NAALADL2: variants seen among roughly 807,000 people sequenced by gnomAD.
The protein encoded by NAALADL2 is N-acetylated alpha-linked acidic dipeptidase like 2, also known as inactive N-acetylated-alpha-linked acidic dipeptidase-like protein 2.
Under a neutral mutation model 87.2 loss-of-function variants are expected in NAALADL2, and 76 were observed. The ratio of observed to expected loss-of-function variants is 0.87; its 90% confidence interval spans 0.72 to 1.05. The LOEUF (loss-of-function observed/expected upper bound fraction) is 1.05. Among genes scored for constraint, NAALADL2 ranks in the 50% least tolerant of loss-of-function variants. The pLI is 0.00. For missense variants in NAALADL2, 1,089 were observed against 945.8 expected (o/e 1.15, Z -1.99); for synonymous variants, 354 against 331.0 (o/e 1.07, Z -0.75).
intron 2 of NAALADL2, among the ~76,000 whole-genome samples, chr3:175,211,899 A>G (rs1259973736): frequency 2.0e-5 from 3 of 152,176 alleles, no homozygotes; most frequent in Non-Finnish European, 2.9e-5. Context: ...CCATTTTGTA[A>G]TAGCAGACAT....
At chr3:175,675,267 T>C (rs1734606183) in intron 11 of NAALADL2, 1 of 152,206 alleles carries the variant, frequency 6.6e-6, no homozygotes, top group East Asian at 1.9e-4. Flanking sequence ...TGAAATGGCT[T>C]TTAAAGTACC....
intron 2 of NAALADL2, among the ~76,000 whole-genome samples, chr3:175,215,224 G>A (rs1174697904): frequency 6.6e-6 from 1 of 152,060 alleles, no homozygotes; most frequent in Non-Finnish European, 1.5e-5. Flanking sequence ...GGGTTGATGT[G>A]AACATTTATA....
chr3:174,949,919 G>C (rs1443005242), intron 1 of NAALADL2, among the ~76,000 whole-genome samples: 2 of 152,124 alleles, frequency 1.3e-5, no homozygotes, highest in African/African-American at 4.8e-5. Context: ...TTGTGCACTG[G>C]TCTTGAGCAG....
chr3:174,993,327 T>C (rs1049956236), intron 1 of NAALADL2, among the ~76,000 whole-genome samples: 6 of 152,180 alleles, frequency 3.9e-5, no homozygotes, highest in Non-Finnish European at 5.9e-5. Flanking sequence ...TCCTTCACCA[T>C]GTTCCCCCTG....
chr3:175,243,285 C>T (rs1196784004), intron 3 of NAALADL2, among the ~76,000 whole-genome samples: 1 of 144,820 alleles, frequency 6.9e-6, no homozygotes, highest in African/African-American at 2.5e-5. Context: ...CCTGCCAAAA[C>T]CCCTACTAGT....
At chr3:175,695,370 T>C (rs1365603494) in intron 11 of NAALADL2, among the ~76,000 whole-genome samples, 1 of 152,294 alleles carries the variant, frequency 6.6e-6, no homozygotes, top group African/African-American at 2.4e-5. Flanking sequence ...ATTCTTTGCC[T>C]AGTGAAATAT....
intron 3 of NAALADL2, among the ~76,000 whole-genome samples, chr3:174,789,847 A>G (rs954173804): frequency 2.0e-5 from 3 of 152,204 alleles, no homozygotes; most frequent in African/African-American, 7.2e-5. Flanking sequence ...AAACAGATAG[A>G]AGAACAACCT....
At chr3:175,506,325 A>T (rs1730303899) in intron 9 of NAALADL2, among the ~76,000 whole-genome samples, 1 of 152,210 alleles carries the variant, frequency 6.6e-6, no homozygotes, top group Non-Finnish European at 1.5e-5. Flanking sequence ...ATTGCTGCAG[A>T]AGTAATTTCC....
At chr3:174,532,643 T>A (rs1721348950) in intron 1 of NAALADL2, among the ~76,000 whole-genome samples, 1 of 152,134 alleles carries the variant, frequency 6.6e-6, no homozygotes. Context: ...AAAATTCGGT[T>A]GAGCCCCTGT....
intron 2 of NAALADL2, among the ~76,000 whole-genome samples, chr3:175,174,978 T>C (rs1735498999): frequency 6.6e-6 from 1 of 152,098 alleles, no homozygotes; most frequent in Non-Finnish European, 1.5e-5. Context: ...TAAAATTCAA[T>C]GAAGATAATT....
At chr3:175,624,751 G>A (rs1049606769) in intron 10 of NAALADL2, among the ~76,000 whole-genome samples, 1 of 151,918 alleles carries the variant, frequency 6.6e-6, no homozygotes, top group Middle Eastern at 3.2e-3. Flanking sequence ...GCATCAAATG[G>A]ATGTATTTTA....
At chr3:175,550,726 C>T (rs915502272) in intron 9 of NAALADL2, among the ~76,000 whole-genome samples, 2 of 152,150 alleles carry the variant, frequency 1.3e-5, no homozygotes, top group Non-Finnish European at 2.9e-5. Context: ...GTAAGAATCT[C>T]TAGTTGTGCA....
At chr3:175,110,201 T>A (rs1239209195) in intron 2 of NAALADL2, among the ~76,000 whole-genome samples, 1 of 151,824 alleles carries the variant, frequency 6.6e-6, no homozygotes, top group Non-Finnish European at 1.5e-5. Context: ...AAGAAGCAAG[T>A]TAAGGATGAT....
At chr3:174,943,148 C>G (rs1738870927) in intron 1 of NAALADL2, among the ~76,000 whole-genome samples, 1 of 152,216 alleles carries the variant, frequency 6.6e-6, no homozygotes, top group Non-Finnish European at 1.5e-5. Context: ...TTAGTTCTTT[C>G]TCATCTGTGC....
intron 1 of NAALADL2, among the ~76,000 whole-genome samples, chr3:175,087,049 T>G (rs1390012328): frequency 6.6e-6 from 1 of 152,148 alleles, no homozygotes; most frequent in Non-Finnish European, 1.5e-5. Context: ...AGAAAAAATA[T>G]TAATGTAAAA....
intron 2 of NAALADL2, among the ~76,000 whole-genome samples, chr3:175,197,766 T>A (rs1739235357): frequency 6.6e-6 from 1 of 151,320 alleles, no homozygotes; most frequent in South Asian, 2.1e-4. Flanking sequence ...ATTCAGGGAG[T>A]TTACATGGGA....
intron 10 of NAALADL2, among the ~76,000 whole-genome samples, chr3:175,606,901 G>A (rs1723824083): frequency 6.6e-6 from 1 of 152,118 alleles, no homozygotes; most frequent in Non-Finnish European, 1.5e-5. Context: ...AATTTTGCTG[G>A]ATCAGTACAT....
intron 1 of NAALADL2, among the ~76,000 whole-genome samples, chr3:174,984,915 T>A (rs937631919): frequency 9.2e-5 from 14 of 152,162 alleles, no homozygotes; most frequent in Admixed American, 8.5e-4. Context: ...AACCCATCAA[T>A]AGGTTGTGAA....
At chr3:174,495,656 G>T (rs552208075) in intron 1 of NAALADL2, among the ~76,000 whole-genome samples, 1 of 68,306 alleles carries the variant, frequency 1.5e-5, no homozygotes, top group Admixed American at 1.8e-4. Flanking sequence ...CGTGGAGAGA[G>T]CTTTTTGAGA....
Sources: allele counts gnomAD v4.1 joint callset (sites outside exome capture counted in the v4.1 genomes callset), GRCh38; gene constraint gnomAD v4.1.1; transcripts MANE v1.5; gene names NCBI Gene and HGNC (gene_info 2026-07-23, HGNC 2026-07-21).